The following PTPRD variants were observed in gnomAD, a reference collection of about 807,000 sequenced individuals.
The protein encoded by PTPRD is protein tyrosine phosphatase receptor type D, also known as receptor-type tyrosine-protein phosphatase delta.
A neutral mutation model predicts 214.5 loss-of-function variants in PTPRD; 34 were observed. That is an observed-to-expected ratio of 0.16 (90% CI 0.12 to 0.21). The LOEUF is 0.21. Among genes scored for constraint, PTPRD ranks in the 10% least tolerant of loss-of-function variants. The pLI is 1.00. For missense variants in PTPRD, 2,545 were observed against 2,398.7 expected (o/e 1.06, Z -1.27); for synonymous variants, 1,128 against 845.7 (o/e 1.33, Z -5.79).
chr9:9,943,915 C>A (rs1402816461), intron 4 of PTPRD, among the ~76,000 whole-genome samples: 2 of 152,152 alleles, frequency 1.3e-5, no homozygotes, highest in Non-Finnish European at 2.9e-5. Context: ...TGTCCATGCT[C>A]CTTCACCAAT....
Position 8,523,506 on chromosome 9 carries a change from C to T in PTPRD, c.691+7G>A, listed in dbSNP as rs777296211. 6.2e-7 allele frequency: 1 copy of T among 1,613,036 alleles called. No individual in the cohort carries two copies. Among genetic ancestry groups the T allele is most frequent in the Non-Finnish European group, 8.5e-7 (1 of 1,179,400 alleles). On this transcript the variant is annotated splice_region_variant and intron_variant, in intron 19 of 45. Coordinates refer to ENST00000381196, the MANE Select transcript of PTPRD (RefSeq NM_002839.4). ...TAAGGTGGGTAAAAAGTAAAAAACA[C>T]ACCAACCTTCTCGCAGCTCTGAGGG...
At chr9:10,403,109 G>T (rs190901615) in intron 2 of PTPRD, among the ~76,000 whole-genome samples, 10 of 150,522 alleles carry the variant, frequency 6.6e-5, no homozygotes, top group Non-Finnish European at 1.3e-4. Flanking sequence ...TAGAAATAAA[G>T]GTGCAGTTAA....
At chr9:9,029,077 T>C (rs1309108640) in intron 10 of PTPRD, among the ~76,000 whole-genome samples, 3 of 151,860 alleles carry the variant, frequency 2.0e-5, no homozygotes, top group Admixed American at 1.3e-4. Flanking sequence ...ATATGAAATA[T>C]CTCATTCATA....
chr9:8,664,864 A>G (rs570307327), intron 12 of PTPRD, among the ~76,000 whole-genome samples: 164 of 152,372 alleles, frequency 1.1e-3, no homozygotes, highest in Non-Finnish European at 1.9e-3. Flanking sequence ...GGTACACTTC[A>G]GCTTAAGAAG....
chr9:10,079,791 C>A (rs894272623), intron 3 of PTPRD, among the ~76,000 whole-genome samples: 3 of 152,112 alleles, frequency 2.0e-5, no homozygotes, highest in Non-Finnish European at 4.4e-5. Context: ...AATGCAAAGT[C>A]ATTCTGAAAT....
At chr9:10,068,333 T>C (rs2097921401) in intron 3 of PTPRD, among the ~76,000 whole-genome samples, 1 of 151,874 alleles carries the variant, frequency 6.6e-6, no homozygotes, top group East Asian at 1.9e-4. Context: ...ATAACCCCTA[T>C]ATGAATTGCC....
chr9:9,385,560 G>A (rs10816110), intron 9 of PTPRD, among the ~76,000 whole-genome samples: 35,530 of 152,002 alleles, frequency 0.23, 4,236 homozygotes, highest in Middle Eastern at 0.37. Flanking sequence ...CAGTGAGCAA[G>A]TATTTCATCC....
intron 3 of PTPRD, among the ~76,000 whole-genome samples, chr9:10,183,825 C>A (rs187975762): frequency 6.6e-6 from 1 of 152,144 alleles, no homozygotes; most frequent in East Asian, 1.9e-4. Context: ...AGTAGGCAAA[C>A]AATGAAATGC....
chr9:9,469,056 C>T (rs2094416806), intron 8 of PTPRD, among the ~76,000 whole-genome samples: 1 of 152,136 alleles, frequency 6.6e-6, no homozygotes, highest in Non-Finnish European at 1.5e-5. Flanking sequence ...GGTCATAAAG[C>T]ACTTGAAATG....
At chr9:9,955,479 G>A (rs751670766) in intron 4 of PTPRD, among the ~76,000 whole-genome samples, 12 of 151,280 alleles carry the variant, frequency 7.9e-5, no homozygotes, top group South Asian at 2.1e-4. Context: ...CCACAACATT[G>A]AACTCTGGAT....
In PTPRD at chr9:8,894,897, G is replaced by A. The variant is rs1046732432; in HGVS notation, c.-104+123800C>T. 3.3e-5 allele frequency among the ~76,000 whole-genome samples: 5 copies of A among 152,246 alleles called. No individual in the cohort carries two copies. The South Asian group carries it at 8.3e-4, about 25-fold the overall frequency. On this transcript the variant is annotated intron_variant, in intron 11 of 45. Coordinates refer to ENST00000381196, the MANE Select transcript of PTPRD (RefSeq NM_002839.4). ...ATAGTAGATGGCACCAATCAACAGA[G>A]AGAGAGACAACACACAATTTGGAGC...
rs1363029750 is a variant in PTPRD at position 8,376,788 on chromosome 9, T to C, written c.4387-62A>G. On this transcript the variant is annotated intron_variant, in intron 37 of 45. Transcript: ENST00000381196. ...CATCAATTTCTCTATTAACTTTGCTTTGAGTTGCTGTTGAAGGAAAACAGC... is the reference window on the plus strand; with the variant it reads ...CATCAATTTCTCTATTAACTTTGCTCTGAGTTGCTGTTGAAGGAAAACAGC... The C allele has an allele frequency of 6.3e-6, 10 of 1,598,936 alleles. No individual in the cohort carries two copies. In the Admixed American group the frequency reaches 1.2e-4, roughly 19 times the overall value.
intron 14 of PTPRD, among the ~76,000 whole-genome samples, chr9:8,588,919 CAGGCTTTCCACCGA>C (rs2093885151): frequency 6.6e-6 from 1 of 152,046 alleles, no homozygotes; most frequent in African/African-American, 2.4e-5. Flanking sequence ...CATCCTGAAT[CAGGCTTTCCACCGA>C]AGAGCCAAGG....
intron 7 of PTPRD, among the ~76,000 whole-genome samples, chr9:9,662,846 T>C (rs566060462): frequency 2.7e-4 from 41 of 151,756 alleles, no homozygotes; most frequent in African/African-American, 9.4e-4. Flanking sequence ...CCTTGTTTTA[T>C]TGCTGTGTAC....
At chr9:10,571,688 A>T (rs1006940793) in intron 2 of PTPRD, among the ~76,000 whole-genome samples, 1 of 152,168 alleles carries the variant, frequency 6.6e-6, no homozygotes, top group Non-Finnish European at 1.5e-5. Context: ...ACCAGGGACC[A>T]CTTTCATGGA....
chr9:9,272,597 G>A (rs1164194257), intron 9 of PTPRD, among the ~76,000 whole-genome samples: 1 of 151,260 alleles, frequency 6.6e-6, no homozygotes, highest in African/African-American at 2.4e-5. Flanking sequence ...GTAGTGGTCC[G>A]TTGACGAAAA....
In PTPRD at chr9:9,546,304, A is replaced by G. The variant is rs2078799427; in HGVS notation, c.-237+28428T>C. On this transcript the variant is annotated intron_variant, in intron 8 of 45. Coordinates refer to ENST00000381196, the MANE Select transcript of PTPRD (RefSeq NM_002839.4). ...AAAAATAGTGTGTTGCTTTCTTCTC[A>G]ATCTATATACCTTTTATTTCCTTTT... 2.6e-5 allele frequency among the ~76,000 whole-genome samples: 4 copies of G among 151,794 alleles called. No individual in the cohort carries two copies. The South Asian group carries it at 8.3e-4, about 31-fold the overall frequency.
chr9:8,433,771 T>C (rs187652658), intron 35 of PTPRD, among the ~76,000 whole-genome samples: 1 of 152,300 alleles, frequency 6.6e-6, no homozygotes, highest in Non-Finnish European at 1.5e-5. Flanking sequence ...ATAAAGTAGT[T>C]ACAGTAAGCT....
chr9:9,565,603 A>G lies in PTPRD; in HGVS notation c.-237+9129T>C, dbSNP rs115357050. Among the ~76,000 whole-genome samples the G allele has an allele frequency of 2.9e-3, 445 of 152,102 alleles. 2 individuals carry two copies. Among genetic ancestry groups the G allele is most frequent in the African/African-American group, 0.01 (425 of 41,560 alleles). ...TTAATATTTTTAACATATAAGAAAT[A>G]TAAAGAAAATGCTACAAATAGCCAC... On this transcript the variant is annotated intron_variant, in intron 8 of 45. Coordinates refer to ENST00000381196, the MANE Select transcript of PTPRD (RefSeq NM_002839.4).
Sources: allele counts gnomAD v4.1 joint callset (sites outside exome capture counted in the v4.1 genomes callset), GRCh38; gene constraint gnomAD v4.1.1; transcripts MANE v1.5; gene names NCBI Gene and HGNC (gene_info 2026-07-23, HGNC 2026-07-21).